GRM5: variants seen among roughly 807,000 people sequenced by gnomAD.
GRM5 encodes glutamate metabotropic receptor 5.
GRM5 carries 19 observed loss-of-function variants against 83.1 expected under a neutral mutation model. That is an observed-to-expected ratio of 0.23 (90% CI 0.16 to 0.34). GRM5 has a LOEUF of 0.34. Among genes scored for constraint, GRM5 ranks in the 10% least tolerant of loss-of-function variants. The probability of loss-of-function intolerance (pLI) is 1.00; values close to 1 mark genes in which losing one functional copy is unlikely to be tolerated. For missense variants in GRM5, 1,160 were observed against 1,588.3 expected (o/e 0.73, Z 4.58); for synonymous variants, 675 against 633.6 (o/e 1.07, Z -0.98).
At chr11:88,992,813 A>G (rs541157534) in intron 2 of GRM5, among the ~76,000 whole-genome samples, 1 of 146,954 alleles carries the variant, frequency 6.8e-6, no homozygotes, top group African/African-American at 2.5e-5. Context: ...TGTGGATTGA[A>G]CAATGAGAAC....
intron 3 of GRM5, among the ~76,000 whole-genome samples, chr11:88,744,026 T>C (rs915592057): frequency 7.9e-5 from 12 of 152,120 alleles, no homozygotes; most frequent in African/African-American, 2.7e-4. Flanking sequence ...CACAGATTTG[T>C]GAAGTTAATG....
At chr11:88,689,220 T>G (rs1203733340) in intron 3 of GRM5, among the ~76,000 whole-genome samples, 1 of 152,206 alleles carries the variant, frequency 6.6e-6, no homozygotes, top group Non-Finnish European at 1.5e-5. Flanking sequence ...CTGCTCTGTA[T>G]TAGGCACTGT....
At chr11:88,519,420 C>T (rs308880) in intron 9 of GRM5, among the ~76,000 whole-genome samples, 104,285 of 151,796 alleles carry the variant, frequency 0.69, 35,871 homozygotes, top group East Asian at 0.72. Flanking sequence ...TGCATGAGTT[C>T]GTATTTTTTT....
chr11:88,536,218 C>G (rs550797502), intron 8 of GRM5, among the ~76,000 whole-genome samples: 1 of 151,938 alleles, frequency 6.6e-6, no homozygotes, highest in Admixed American at 6.6e-5. Context: ...TGGGCTTATA[C>G]ATATTTAACA....
chr11:88,557,071 AAG>A, intron 8 of GRM5, among the ~76,000 whole-genome samples: 1 of 152,284 alleles, frequency 6.6e-6, no homozygotes, highest in East Asian at 1.9e-4. Context: ...TGGAATGAAA[AAG>A]AGCTTTGAAG....
chr11:88,579,558 T>C (rs192924680), intron 7 of GRM5, among the ~76,000 whole-genome samples: 6 of 152,268 alleles, frequency 3.9e-5, no homozygotes, highest in African/African-American at 9.6e-5. Flanking sequence ...GAAAGAATAG[T>C]GGTCATGTGG....
chr11:88,779,579 A>C (rs982953249), intron 3 of GRM5, among the ~76,000 whole-genome samples: 1 of 152,256 alleles, frequency 6.6e-6, no homozygotes, highest in African/African-American at 2.4e-5. Flanking sequence ...ATGACATCAA[A>C]GTTTTCTAAT....
At chr11:88,649,462 C>T (rs1013378830) in intron 4 of GRM5, among the ~76,000 whole-genome samples, 9 of 140,346 alleles carry the variant, frequency 6.4e-5, no homozygotes, top group Non-Finnish European at 1.2e-4. Flanking sequence ...TTATATATTA[C>T]ATATATACTA....
intron 5 of GRM5, among the ~76,000 whole-genome samples, chr11:88,603,138 T>G (rs1938044881): frequency 1.3e-5 from 2 of 152,206 alleles, no homozygotes; most frequent in African/African-American, 4.8e-5. Flanking sequence ...AAGGGATGAT[T>G]GTTCCAAAAA....
chr11:89,019,653 C>T (rs1001394817), intron 2 of GRM5, among the ~76,000 whole-genome samples: 9 of 151,924 alleles, frequency 5.9e-5, no homozygotes, highest in African/African-American at 1.7e-4. Flanking sequence ...TGCAATGAGC[C>T]GAGAATACAC....
At chr11:88,859,191 T>TA (rs1295286532) in intron 2 of GRM5, among the ~76,000 whole-genome samples, 3 of 151,948 alleles carry the variant, frequency 2.0e-5, no homozygotes, top group South Asian at 2.1e-4. Flanking sequence ...TGAATGGGAG[T>TA]AAAAAAAGTG....
Position 88,810,588 on chromosome 11 carries a change from A to G in GRM5, c.911+39318T>C, listed in dbSNP as rs6483475. Among the ~76,000 whole-genome samples, 43 of 151,952 alleles carry G rather than the reference A, an allele frequency of 2.8e-4. 1 individual carries two copies. The South Asian group carries it at 8.9e-3, about 31-fold the overall frequency. On this transcript the variant is annotated intron_variant, in intron 3 of 9. Coordinates refer to ENST00000305447, the MANE Select transcript of GRM5 (RefSeq NM_001143831.3). ...AGAGTAAGCATCCTGAAGAAGGCATAAACAGGCAGAATGAATCCTGTTCGT... is the reference window on the plus strand; with the variant it reads ...AGAGTAAGCATCCTGAAGAAGGCATGAACAGGCAGAATGAATCCTGTTCGT...
intron 2 of GRM5, among the ~76,000 whole-genome samples, chr11:88,895,764 A>G (rs931540547): frequency 4.6e-5 from 7 of 151,944 alleles, no homozygotes. Context: ...GCTTATTGAC[A>G]TACACTGTGC....
intron 2 of GRM5, among the ~76,000 whole-genome samples, chr11:89,046,919 A>C (rs1941653167): frequency 6.6e-6 from 1 of 152,208 alleles, no homozygotes; most frequent in Non-Finnish European, 1.5e-5. Flanking sequence ...AATGAATATA[A>C]AAAATCATTA....
intron 3 of GRM5, among the ~76,000 whole-genome samples, chr11:88,778,229 G>A (rs963355611): frequency 6.6e-6 from 1 of 152,370 alleles, no homozygotes; most frequent in East Asian, 1.9e-4. Flanking sequence ...CTAGCAGGGA[G>A]CAAGGCTCCA....
chr11:88,575,188 G>A (rs184635226), intron 7 of GRM5, among the ~76,000 whole-genome samples: 11 of 152,108 alleles, frequency 7.2e-5, no homozygotes, highest in African/African-American at 2.4e-4. Flanking sequence ...ACAGGAAGCT[G>A]CCATATTCCT....
At chr11:88,651,400 A>G (rs1440956288) in intron 4 of GRM5, among the ~76,000 whole-genome samples, 2 of 152,080 alleles carry the variant, frequency 1.3e-5, no homozygotes, top group African/African-American at 4.8e-5. Flanking sequence ...AGATGAAATC[A>G]GAGCTACTGC....
At chr11:88,931,347 G>A (rs1937699009) in intron 2 of GRM5, among the ~76,000 whole-genome samples, 4 of 151,942 alleles carry the variant, frequency 2.6e-5, no homozygotes. Flanking sequence ...TAAGGAATAT[G>A]CATAAAAATG....
chr11:88,543,812 C>T (rs1041058823), intron 8 of GRM5, among the ~76,000 whole-genome samples: 1 of 152,002 alleles, frequency 6.6e-6, no homozygotes, highest in Non-Finnish European at 1.5e-5. Context: ...ATTTTTATAT[C>T]TCCAGTGCCT....
Sources: gnomAD v4.1 joint callset for allele counts (sites outside exome capture counted in the v4.1 genomes callset) on GRCh38, gnomAD v4.1.1 for gene constraint, MANE v1.5 for transcripts, NCBI Gene and HGNC (gene_info 2026-07-23, HGNC 2026-07-21) for gene names.